The following ANTXR2 variants were observed in gnomAD, a reference collection of about 807,000 sequenced individuals.
ANTXR2 encodes the protein ANTXR cell adhesion molecule 2.
ANTXR2 carries 44 observed loss-of-function variants against 73.7 expected under a neutral mutation model. That is an observed-to-expected ratio of 0.60 (90% confidence interval 0.47 to 0.77). The LOEUF (loss-of-function observed/expected upper bound fraction) is 0.77. ANTXR2 is among the 30% of genes least tolerant of loss of function. The probability of loss-of-function intolerance (pLI) is 0.00; values close to 1 mark genes in which losing one functional copy is unlikely to be tolerated. For missense variants in ANTXR2, 604 were observed against 592.5 expected, an observed-to-expected ratio of 1.02 and a Z score of -0.20; for synonymous variants, 217 against 205.9, an observed-to-expected ratio of 1.05 and a Z score of -0.46.
intron 16 of ANTXR2, among the ~76,000 whole-genome samples, chr4:79,949,096 C>T (rs532845690): frequency 1.3e-5 from 2 of 152,050 alleles, no homozygotes; most frequent in South Asian, 4.2e-4. Flanking sequence ...GAAGAAAAAT[C>T]CTTTTAATAT....
At chr4:80,005,546 T>C (rs1273456958) in intron 12 of ANTXR2, among the ~76,000 whole-genome samples, 3 of 152,132 alleles carry the variant, frequency 2.0e-5, no homozygotes, top group East Asian at 1.9e-4. Flanking sequence ...TGCGATTGTA[T>C]TATAATACCC....
intron 12 of ANTXR2, among the ~76,000 whole-genome samples, chr4:80,007,885 T>A (rs1731383265): frequency 6.6e-6 from 1 of 152,200 alleles, no homozygotes; most frequent in Admixed American, 6.6e-5. Context: ...AGCTGTTAGA[T>A]AATAAATTTG....
chr4:79,992,989 T>TG (rs1730543751), intron 12 of ANTXR2, among the ~76,000 whole-genome samples: 2 of 152,094 alleles, frequency 1.3e-5, no homozygotes, highest in Non-Finnish European at 2.9e-5. Context: ...TCAAAGCATA[T>TG]GATTCTCTTG....
At chr4:79,998,159 A>G (rs1730820088) in intron 12 of ANTXR2, among the ~76,000 whole-genome samples, 1 of 151,994 alleles carries the variant, frequency 6.6e-6, no homozygotes, top group Non-Finnish European at 1.5e-5. Context: ...ATAGAGTTCC[A>G]GCTAGACATA....
At chr4:79,930,008 G>C (rs1223323692) in intron 16 of ANTXR2, among the ~76,000 whole-genome samples, 1 of 152,134 alleles carries the variant, frequency 6.6e-6, no homozygotes, top group Non-Finnish European at 1.5e-5. Context: ...CTCAGAGTGG[G>C]CAAGTCATTT....
At position 79,902,091 on chromosome 4, in the gene ANTXR2, C is replaced by T. The variant is rs555082739; in HGVS notation, c.*5338G>A. 1 of 152,098 alleles carries T rather than the reference C, an allele frequency of 6.6e-6. No individual in the cohort carries two copies. The highest frequency in any genetic ancestry group is 2.4e-5 in the African/African-American group (1 of 41,428). 9.4% of individuals were successfully genotyped at this position (152,098 alleles called of 1,614,324 possible). A position where few individuals can be genotyped will look rare whatever the true frequency, so the allele number is the denominator to read the frequency against. ...TTATTTCTAGTCAAACTGAAACCTA[C>T]TTAAATGTACATTTTAATAACTTTA... is the stretch of plus-strand genomic sequence containing the variant. On this transcript the variant is annotated 3_prime_UTR_variant, in exon 17 of 17. Coordinates refer to ENST00000403729, the MANE Select transcript of ANTXR2 (RefSeq NM_058172.6).
At chr4:79,976,991 C>A in intron 16 of ANTXR2, among the ~76,000 whole-genome samples, 1 of 152,202 alleles carries the variant, frequency 6.6e-6, no homozygotes, top group East Asian at 1.9e-4. Context: ...TACTATATTA[C>A]TGAAATTACA....
Position 79,902,156 on chromosome 4 carries a change from G to C in ANTXR2, c.*5273C>G, listed in dbSNP as rs933977274. 1 of 151,996 alleles carries C rather than the reference G, an allele frequency of 6.6e-6. No individual in the cohort carries two copies. The highest frequency in any genetic ancestry group is 1.9e-4 in the East Asian group (1 of 5,174). 9.4% of individuals were successfully genotyped at this position (151,996 alleles called of 1,614,324 possible). A position where few individuals can be genotyped will look rare whatever the true frequency, so the allele number is the denominator to read the frequency against. On this transcript the variant is annotated 3_prime_UTR_variant, in exon 17 of 17. Coordinates refer to ENST00000403729, the MANE Select transcript of ANTXR2 (RefSeq NM_058172.6). ...ATCACCCACTGACATTTACAATGTT[G>C]TAAATATAATTCATCTAAGATACAA...
At chr4:79,917,140 T>G (rs1578080511) in intron 16 of ANTXR2, among the ~76,000 whole-genome samples, 1 of 152,130 alleles carries the variant, frequency 6.6e-6, no homozygotes, top group Non-Finnish European at 1.5e-5. Flanking sequence ...GGAAAGCTGG[T>G]GTGGAGAGGT....
In ANTXR2 at chr4:80,069,346, G is replaced by A. The variant is rs1734673035; in HGVS notation, c.296+90C>T. 2.9e-6 allele frequency: 3 copies of A among 1,023,750 alleles called. No homozygotes were observed. The East Asian group carries it at 7.8e-5, about 27-fold the overall frequency. 63.4% of individuals were successfully genotyped at this position (1,023,750 alleles called of 1,614,324 possible). On this transcript the variant is annotated intron_variant, in intron 3 of 16. Coordinates refer to ENST00000403729, the MANE Select transcript of ANTXR2 (RefSeq NM_058172.6). ...GTCTGTGCATCTGCTTGATTCCACT[G>A]AGAGGCCTGAATCACCACTTGGAAA...
intron 3 of ANTXR2, among the ~76,000 whole-genome samples, chr4:80,068,893 TA>T (rs1421895473): frequency 2.6e-5 from 4 of 152,130 alleles, no homozygotes; most frequent in Non-Finnish European, 5.9e-5. Context: ...AGACACCTTT[TA>T]AAAAACACTA....
intron 16 of ANTXR2, among the ~76,000 whole-genome samples, chr4:79,953,330 A>G (rs1578107754): frequency 1.3e-5 from 2 of 152,354 alleles, no homozygotes; most frequent in Middle Eastern, 6.8e-3. Flanking sequence ...TAGTGAAATC[A>G]GTTGCTCCAT....
intron 11 of ANTXR2, among the ~76,000 whole-genome samples, chr4:80,012,829 TAAG>T (rs911499536): frequency 1.4e-4 from 22 of 152,282 alleles, no homozygotes; most frequent in East Asian, 3.9e-4. Context: ...TGGGTCCACA[TAAG>T]AAGAAGTACC....
rs1467025205 is a variant in ANTXR2, at chr4:79,906,710, A to G, written c.*719T>C. 6.6e-6 allele frequency: 1 copy of G among 152,610 alleles called. No individual in the cohort carries two copies. The highest frequency in any genetic ancestry group is 1.5e-5 in the Non-Finnish European group (1 of 68,082). The allele number at this position is 152,610 out of a possible 1,614,324, so 9.5% of individuals were successfully genotyped here. ...GCCTTCTGTGGAATAACGCTCTATTAATTTTCTTGTCCCGAGTGCATAATG... is the reference window on the plus strand; with the variant it reads ...GCCTTCTGTGGAATAACGCTCTATTGATTTTCTTGTCCCGAGTGCATAATG... On this transcript the variant is annotated 3_prime_UTR_variant, in exon 17 of 17. Coordinates refer to ENST00000403729, the MANE Select transcript of ANTXR2 (RefSeq NM_058172.6).
At chr4:79,920,025 A>C (rs1727533353) in intron 16 of ANTXR2, among the ~76,000 whole-genome samples, 1 of 150,886 alleles carries the variant, frequency 6.6e-6, no homozygotes, top group Non-Finnish European at 1.5e-5. Flanking sequence ...TATTCAGTAA[A>C]ATCCTTTAAT....
chr4:80,022,695 T>C (rs1732225133), intron 10 of ANTXR2, among the ~76,000 whole-genome samples: 1 of 152,232 alleles, frequency 6.6e-6, no homozygotes, highest in Non-Finnish European at 1.5e-5. Context: ...AGAGGCTTTC[T>C]TATGGGCAAA....
chr4:80,032,068 A>G (rs776138545), intron 9 of ANTXR2, among the ~76,000 whole-genome samples: 1 of 151,866 alleles, frequency 6.6e-6, no homozygotes, highest in Non-Finnish European at 1.5e-5. Context: ...TTAGATGTCC[A>G]AAGGAAAATG....
chr4:79,961,117 C>G (rs1578113747), intron 16 of ANTXR2, among the ~76,000 whole-genome samples: 2 of 152,080 alleles, frequency 1.3e-5, no homozygotes, highest in South Asian at 4.2e-4. Flanking sequence ...TGTATCCCCC[C>G]TTGGACTGGG....
At chr4:79,974,316 T>A (rs879750753) in intron 16 of ANTXR2, among the ~76,000 whole-genome samples, 9 of 152,152 alleles carry the variant, frequency 5.9e-5, no homozygotes, top group Non-Finnish European at 1.3e-4. Flanking sequence ...CATAGAATCA[T>A]AATATGTATC....
Sources: gnomAD v4.1 joint callset for allele counts (sites outside exome capture counted in the v4.1 genomes callset) on GRCh38, gnomAD v4.1.1 for gene constraint, MANE v1.5 for transcripts, NCBI Gene and HGNC (gene_info 2026-07-23, HGNC 2026-07-21) for gene names.